The following PCDHA5 variants were observed in gnomAD, a reference collection of about 807,000 sequenced individuals.
The protein encoded by PCDHA5 is protocadherin alpha-5.
Under a neutral mutation model 61.6 loss-of-function variants are expected in PCDHA5, and 43 were observed. The ratio of observed to expected loss-of-function variants is 0.70; its 90% CI spans 0.55 to 0.90. PCDHA5 has a LOEUF of 0.90. Among genes scored for constraint, PCDHA5 ranks in the 40% least tolerant of loss-of-function variants. PCDHA5 has a pLI of 0.00. For missense variants in PCDHA5, 1,298 were observed against 1,222.7 expected, an observed-to-expected ratio of 1.06 and a Z score of -0.92; for synonymous variants, 627 against 543.9, an observed-to-expected ratio of 1.15 and a Z score of -2.13.
intron 1 of PCDHA5, among the ~76,000 whole-genome samples, chr5:140,960,014 A>G (rs1380089859): frequency 6.6e-6 from 1 of 152,222 alleles, no homozygotes; most frequent in Non-Finnish European, 1.5e-5. Flanking sequence ...ATTTTGCATC[A>G]TGATTTTGTT....
intron 3 of PCDHA5, among the ~76,000 whole-genome samples, chr5:140,999,591 C>T (rs2153957965): frequency 1.3e-5 from 2 of 152,208 alleles, no homozygotes; most frequent in South Asian, 4.2e-4. Flanking sequence ...AATTGCCTTC[C>T]CTACATCCTG....
chr5:140,868,327 T>C (rs1554161889), intron 1 of PCDHA5: 1 of 152,138 alleles, frequency 6.6e-6, no homozygotes, highest in Non-Finnish European at 1.5e-5. Context: ...CTGCAATGAA[T>C]ATAAAGTCAC....
At chr5:140,965,490 C>G (rs115003344) in intron 1 of PCDHA5, among the ~76,000 whole-genome samples, 2,488 of 148,960 alleles carry the variant, frequency 0.017, 68 homozygotes, top group African/African-American at 0.057. Context: ...TGCTTAATGA[C>G]AGCAGATTTT....
chr5:140,869,963 A>G lies in PCDHA5; in HGVS notation c.2352+45836A>G, dbSNP rs782588471. 11 of 1,613,128 alleles carry G rather than the reference A, an allele frequency of 6.8e-6. No homozygotes were observed. Among genetic ancestry groups the G allele is most frequent in the East Asian group, 2.2e-5 (1 of 44,874 alleles). On this transcript the variant is annotated intron_variant, in intron 1 of 3. Coordinates refer to ENST00000529859, the MANE Select transcript of PCDHA5 (RefSeq NM_018908.3). ...TACTCCTTAATGTCAATTAAGCCCA[A>G]TGGAAGACACTTATTTACACTAGAT...
intron 1 of PCDHA5, among the ~76,000 whole-genome samples, chr5:140,932,571 A>G (rs1308740705): frequency 1.3e-5 from 2 of 151,926 alleles, no homozygotes; most frequent in African/African-American, 4.8e-5. Context: ...AGACTTTCCC[A>G]TAGGGTAATT....
intron 1 of PCDHA5, chr5:140,870,960 C>T: frequency 6.2e-7 from 1 of 1,613,670 alleles, no homozygotes; most frequent in Non-Finnish European, 8.5e-7. Context: ...GCTCGCGCAT[C>T]CCGTTCCGCG....
At chr5:140,857,655 C>T (rs782490979) in intron 1 of PCDHA5, 1 of 1,596,728 alleles carries the variant, frequency 6.3e-7, no homozygotes, top group Non-Finnish European at 8.6e-7. Context: ...CAGGTGAGCG[C>T]GCGCGATGGG....
chr5:141,005,662 A>G (rs2098227817), intron 3 of PCDHA5, among the ~76,000 whole-genome samples: 1 of 138,324 alleles, frequency 7.2e-6, no homozygotes, highest in East Asian at 2.2e-4. Context: ...AGATCGCGCC[A>G]CTGCACTCCA....
At chr5:140,824,778 C>G (rs189409181) in intron 1 of PCDHA5, 1 of 151,724 alleles carries the variant, frequency 6.6e-6, no homozygotes, top group Non-Finnish European at 1.5e-5. Context: ...TGTTTTAACA[C>G]CACCCTTCCA....
At chr5:140,885,157 C>G (rs2060491561) in intron 1 of PCDHA5, among the ~76,000 whole-genome samples, 1 of 151,962 alleles carries the variant, frequency 6.6e-6, no homozygotes, top group African/African-American at 2.4e-5. Context: ...TTGATTGTCT[C>G]TACTTTTTTG....
intron 3 of PCDHA5, 57 bp downstream of exon 3, chr5:140,982,620 C>T: frequency 2.5e-6 from 4 of 1,588,470 alleles, no homozygotes. Flanking sequence ...ATCAGATGAC[C>T]TACTTTTGTA....
rs2150319932 is a variant in PCDHA5 at position 140,841,641 on chromosome 5, A to T, written c.2352+17514A>T. 4.3e-6 allele frequency: 7 copies of T among 1,613,950 alleles called. No individual in the cohort carries two copies. The highest frequency in any genetic ancestry group is 5.1e-6 in the Non-Finnish European group (6 of 1,179,994). ...AGCGCGGAGTGCAGCATCCACCTGG[A>T]GGTGATCGTGGACAGGCCGCTGCAG... On this transcript the variant is annotated intron_variant, in intron 1 of 3. Coordinates refer to ENST00000529859, the MANE Select transcript of PCDHA5 (RefSeq NM_018908.3).
intron 1 of PCDHA5, among the ~76,000 whole-genome samples, chr5:140,875,022 C>A (rs1267699693): frequency 1.3e-5 from 2 of 152,116 alleles, no homozygotes; most frequent in Non-Finnish European, 2.9e-5. Context: ...TAGGTTCTGG[C>A]CTACTGTATT....
At chr5:140,873,963 T>G (rs1048862313) in intron 1 of PCDHA5, among the ~76,000 whole-genome samples, 2 of 152,206 alleles carry the variant, frequency 1.3e-5, no homozygotes, top group East Asian at 3.8e-4. Flanking sequence ...GCCCAGCCTA[T>G]TTTTTAAAAT....
At chr5:140,996,795 C>G (rs1554255407) in intron 3 of PCDHA5, among the ~76,000 whole-genome samples, 1 of 152,170 alleles carries the variant, frequency 6.6e-6, no homozygotes, top group East Asian at 1.9e-4. Flanking sequence ...CTCCCTACAT[C>G]CAATCATGCT....
intron 1 of PCDHA5, among the ~76,000 whole-genome samples, chr5:140,941,906 GC>G: frequency 6.6e-6 from 1 of 152,248 alleles, no homozygotes; most frequent in South Asian, 2.1e-4. Context: ...ACATTGAAAT[GC>G]TTTTATGTAT....
Position 140,828,362 on chromosome 5 carries a change from G to C in PCDHA5, c.2352+4235G>C, listed in dbSNP as rs1341252383. The C allele has an allele frequency of 3.7e-6, 6 of 1,614,228 alleles. No individual in the cohort carries two copies. Among genetic ancestry groups the C allele is most frequent in the East Asian group, 4.5e-5 (2 of 44,886 alleles). On this transcript the variant is annotated intron_variant, in intron 1 of 3. Coordinates refer to ENST00000529859, the MANE Select transcript of PCDHA5 (RefSeq NM_018908.3). ...CATTTTGTTTGTGAATTCTCGGATC[G>C]ACCGCGAGGAGCTGTGCGGGCGGAG...
At chr5:140,857,471 A>T (rs2044616338) in intron 1 of PCDHA5, 1 of 1,598,536 alleles carries the variant, frequency 6.3e-7, no homozygotes, top group Non-Finnish European at 8.6e-7. Context: ...CCACATCTTC[A>T]CGGTGTCTGC....
chr5:140,828,216 G>T, intron 1 of PCDHA5: 5 of 1,614,022 alleles, frequency 3.1e-6, no homozygotes, highest in Non-Finnish European at 4.2e-6. Context: ...GCCAAACACG[G>T]CACCTTCGTG....
Sources: allele counts gnomAD v4.1 joint callset (sites outside exome capture counted in the v4.1 genomes callset), GRCh38; gene constraint gnomAD v4.1.1; transcripts MANE v1.5; gene names NCBI Gene and HGNC (gene_info 2026-07-23, HGNC 2026-07-21).